Variants in SMARCAD1 observed in about 807,000 individuals in gnomAD.
SMARCAD1 encodes the protein SWI/SNF-related matrix-associated actin-dependent regulator of chromatin subfamily A containing DEAD/H box 1.
In SMARCAD1, 25 loss-of-function variants were observed where a neutral mutation model predicts 127.1. That is an observed-to-expected ratio of 0.20 (90% CI 0.14 to 0.27). The LOEUF is 0.27. SMARCAD1 is among the 10% of genes least tolerant of loss of function. The pLI is 1.00. For synonymous variants in SMARCAD1, 400 were observed against 396.9 expected, an observed-to-expected ratio of 1.01 and a Z score of -0.09; for missense variants, 807 against 1,206.0, an observed-to-expected ratio of 0.67 and a Z score of 4.90.
At chr4:94,268,634 C>T (rs1227829220) in intron 10 of SMARCAD1, among the ~76,000 whole-genome samples, 1 of 152,080 alleles carries the variant, frequency 6.6e-6, no homozygotes, top group Non-Finnish European at 1.5e-5. Context: ...GTGCTGAGCT[C>T]TGGATCACAC....
intron 14 of SMARCAD1, 30 bp from the exon 15 acceptor site, chr4:94,276,309 C>T: frequency 6.2e-7 from 1 of 1,613,026 alleles, no homozygotes; most frequent in Non-Finnish European, 8.5e-7. Flanking sequence ...AAAGGTATAA[C>T]CTTAGAGATG....
intron 9 of SMARCAD1, among the ~76,000 whole-genome samples, chr4:94,261,554 G>C (rs953533168): frequency 1.3e-5 from 2 of 152,178 alleles, no homozygotes; most frequent in Non-Finnish European, 2.9e-5. Flanking sequence ...AAATACTATA[G>C]AAATTATTTA....
intron 16 of SMARCAD1, 90 bp from the exon 17 acceptor site, chr4:94,278,332 T>C: frequency 8.9e-7 from 1 of 1,128,952 alleles, no homozygotes; most frequent in Non-Finnish European, 1.3e-6. Flanking sequence ...CAGACTCTAA[T>C]GAGGGAGATT....
rs1380534264 is a variant in SMARCAD1 at position 94,289,510 on chromosome 4, A to G, written c.3057A>G (p.Leu1019=). The G allele has an allele frequency of 1.9e-6, 3 of 1,613,486 alleles. No homozygotes were observed. Among genetic ancestry groups the G allele is most frequent in the East Asian group, 2.2e-5 (1 of 44,786 alleles). The change falls in exon 24 of 24, where the codon TTA becomes TTG. Residue 1019 remains leucine (L), a synonymous_variant. Transcript: ENST00000354268. ...GTATGCCAGCAGATATAGCCACATT[A>G]CTAAAAACATCAATGGGCCTGTGAA... The part of the protein sequence containing the change: ...EGSMPADIAT[L]LKTSMGL
Position 94,289,960 on chromosome 4 carries a change from G to T in SMARCAD1, c.*426G>T, listed in dbSNP as rs1383788291. The T allele has an allele frequency of 2.2e-6, 1 of 454,122 alleles. No homozygotes were observed. Among genetic ancestry groups the T allele is most frequent in the Non-Finnish European group, 4.4e-6 (1 of 226,886 alleles). 28.1% of individuals were successfully genotyped at this position (454,122 alleles called of 1,614,324 possible). A position where few individuals can be genotyped will look rare whatever the true frequency, so the allele number is the denominator to read the frequency against. On this transcript the variant is annotated 3_prime_UTR_variant, in exon 24 of 24. Coordinates refer to ENST00000354268, the MANE Select transcript of SMARCAD1 (RefSeq NM_020159.5). The stretch of plus-strand genomic sequence containing the variant: ...CAATGCTTATGTCTTGTTTTTGCTT[G>T]TCTCATTTGAAGTTCTTTTTTATTA...
chr4:94,254,571 A>C (rs1409600965), intron 9 of SMARCAD1, among the ~76,000 whole-genome samples: 5 of 152,146 alleles, frequency 3.3e-5, no homozygotes, highest in African/African-American at 4.8e-5. Flanking sequence ...GCAGAGTTTA[A>C]ATTAGTCTTG....
intron 3 of SMARCAD1, among the ~76,000 whole-genome samples, chr4:94,228,918 C>A (rs28470897): frequency 6.6e-6 from 1 of 151,804 alleles, no homozygotes. Flanking sequence ...TAGAATTTTT[C>A]TAAATTTGGG....
chr4:94,254,143 T>A (rs1749706119), intron 9 of SMARCAD1, among the ~76,000 whole-genome samples: 1 of 152,152 alleles, frequency 6.6e-6, no homozygotes, highest in Admixed American at 6.5e-5. Flanking sequence ...ATTCCATAGC[T>A]TTAAAAAATA....
intron 2 of SMARCAD1, among the ~76,000 whole-genome samples, chr4:94,220,944 G>A (rs995336954): frequency 8.5e-5 from 13 of 152,222 alleles, no homozygotes; most frequent in Admixed American, 4.6e-4. Flanking sequence ...AAGGGAAGGC[G>A]TTTGAGCAAT....
intron 8 of SMARCAD1, among the ~76,000 whole-genome samples, chr4:94,251,281 CTT>C (rs1346811885): frequency 6.6e-6 from 1 of 152,118 alleles, no homozygotes; most frequent in African/African-American, 2.4e-5. Context: ...TTGGAACACT[CTT>C]AATTCTAGGA....
intron 8 of SMARCAD1, among the ~76,000 whole-genome samples, chr4:94,252,335 A>T (rs979931600): frequency 1.3e-5 from 2 of 152,194 alleles, no homozygotes; most frequent in Non-Finnish European, 2.9e-5. Flanking sequence ...GAGACATCAT[A>T]CAGATACGCA....
At chr4:94,212,497 A>AT (rs754165766) in intron 2 of SMARCAD1, among the ~76,000 whole-genome samples, 5 of 145,436 alleles carry the variant, frequency 3.4e-5, no homozygotes, top group Non-Finnish European at 7.6e-5. Flanking sequence ...ATTTATTATT[A>AT]TTTTTTTGAG....
At chr4:94,256,526 C>T (rs1750105995) in intron 9 of SMARCAD1, among the ~76,000 whole-genome samples, 1 of 152,064 alleles carries the variant, frequency 6.6e-6, no homozygotes, top group African/African-American at 2.4e-5. Flanking sequence ...CCACACCTGG[C>T]CAATTTTTAT....
At chr4:94,269,267 A>G (rs528205904) in intron 10 of SMARCAD1, among the ~76,000 whole-genome samples, 3 of 152,298 alleles carry the variant, frequency 2.0e-5, no homozygotes, top group East Asian at 3.9e-4. Flanking sequence ...TTATTATACT[A>G]TAGCTATGTC....
intron 1 of SMARCAD1, 100 bp downstream of exon 1, chr4:94,208,170 A>G (rs1336482066): frequency 1.5e-6 from 1 of 685,350 alleles, no homozygotes; most frequent in African/African-American, 1.8e-5. Context: ...AAAATTTTAA[A>G]AGATACCCCC....
chr4:94,245,006 C>T (rs1748199179), intron 6 of SMARCAD1, among the ~76,000 whole-genome samples: 1 of 152,188 alleles, frequency 6.6e-6, no homozygotes, highest in Non-Finnish European at 1.5e-5. Flanking sequence ...AGAGGTTTAA[C>T]ATTGCAATGT....
In SMARCAD1 at chr4:94,284,982, A is replaced by G; in HGVS notation, c.2932A>G (p.Ile978Val). 1.2e-6 allele frequency: 2 copies of G among 1,610,932 alleles called. No homozygotes were observed. Among genetic ancestry groups the G allele is most frequent in the Non-Finnish European group, 1.7e-6 (2 of 1,177,256 alleles). The change falls in exon 23 of 24, where the codon ATA becomes GTA. Residue 978 changes from isoleucine (I) to valine (V), a missense_variant. Transcript: ENST00000354268. ...TAGAGAAGTACTAGTTATAAAACTA[A>G]TAAGCCAAGGGACGATTGAAGAATC... Reference protein sequence around the residue: ...QTKEVLVIKLISQGTIEESML... With the variant: ...QTKEVLVIKLVSQGTIEESML...
chr4:94,210,560 C>T (rs1352859421), intron 2 of SMARCAD1, among the ~76,000 whole-genome samples: 5 of 151,864 alleles, frequency 3.3e-5, no homozygotes, highest in South Asian at 2.1e-4. Context: ...TTAATGATAG[C>T]GGTAGAAATG....
At chr4:94,229,438 CTAT>C (rs920739229) in intron 3 of SMARCAD1, among the ~76,000 whole-genome samples, 3 of 151,542 alleles carry the variant, frequency 2.0e-5, no homozygotes, top group South Asian at 2.1e-4. Flanking sequence ...TAATTTAGTA[CTAT>C]TATTATTCAT....
Sources: allele counts gnomAD v4.1 joint callset (sites outside exome capture counted in the v4.1 genomes callset), GRCh38; gene constraint gnomAD v4.1.1; transcripts MANE v1.5; gene names NCBI Gene and HGNC (gene_info 2026-07-23, HGNC 2026-07-21).